The following ADCY2 variants were observed in gnomAD, a reference collection of about 807,000 sequenced individuals.
ADCY2 encodes adenylate cyclase type 2.
Under a neutral mutation model 125.2 loss-of-function variants are expected in ADCY2, and 31 were observed. The observed-to-expected ratio is 0.25, with a 90% confidence interval of 0.19 to 0.33. The LOEUF (loss-of-function observed/expected upper bound fraction) is 0.33. Among genes scored for constraint, ADCY2 ranks in the 10% least tolerant of loss-of-function variants. The probability of loss-of-function intolerance (pLI) is 1.00; values close to 1 mark genes in which losing one functional copy is unlikely to be tolerated. For missense variants in ADCY2, 904 were observed against 1,418.2 expected (o/e 0.64, Z 5.82); for synonymous variants, 512 against 548.4 (o/e 0.93, Z 0.93).
chr5:7,653,082 G>A (rs560503071), intron 4 of ADCY2, among the ~76,000 whole-genome samples: 2 of 152,240 alleles, frequency 1.3e-5, no homozygotes, highest in Non-Finnish European at 2.9e-5. Context: ...TGTTAGCCCT[G>A]TGGGTGTAGA....
At chr5:7,683,512 A>C (rs1470940264) in intron 4 of ADCY2, among the ~76,000 whole-genome samples, 1 of 152,214 alleles carries the variant, frequency 6.6e-6, no homozygotes, top group East Asian at 1.9e-4. Context: ...ACCCAGGCTC[A>C]AAGTCACTAT....
At chr5:7,652,127 C>A (rs1336152472) in intron 4 of ADCY2, among the ~76,000 whole-genome samples, 1 of 152,144 alleles carries the variant, frequency 6.6e-6, no homozygotes, top group African/African-American at 2.4e-5. Flanking sequence ...ATCACTTTAA[C>A]CCTACTGAGA....
intron 19 of ADCY2, 33 bp from the exon 20 acceptor site, chr5:7,789,609 T>C: frequency 6.3e-7 from 1 of 1,596,782 alleles, no homozygotes; most frequent in South Asian, 1.1e-5. Flanking sequence ...AAGATGCCTA[T>C]TGTTTCTTTA....
intron 2 of ADCY2, among the ~76,000 whole-genome samples, chr5:7,491,931 G>T (rs1279704265): frequency 6.6e-6 from 1 of 152,136 alleles, no homozygotes; most frequent in Non-Finnish European, 1.5e-5. Context: ...ATTTTAAAAA[G>T]AACTAACTGA....
chr5:7,455,020 T>C (rs1741617557), intron 2 of ADCY2, among the ~76,000 whole-genome samples: 1 of 152,202 alleles, frequency 6.6e-6, no homozygotes, highest in Non-Finnish European at 1.5e-5. Context: ...AAAGAGTGTT[T>C]ATACGGCTAT....
At chr5:7,525,046 A>G (rs7718206) in intron 3 of ADCY2, among the ~76,000 whole-genome samples, 4,131 of 152,188 alleles carry the variant, frequency 0.027, 181 homozygotes, top group African/African-American at 0.094. Flanking sequence ...TCTGTCACCC[A>G]GGCTGGAGTG....
At chr5:7,505,404 G>A (rs559740053) in intron 2 of ADCY2, among the ~76,000 whole-genome samples, 7 of 152,324 alleles carry the variant, frequency 4.6e-5, no homozygotes, top group Admixed American at 2.6e-4. Context: ...AGCTGCTGGT[G>A]CAGTAGGCAG....
In ADCY2 at chr5:7,827,878, T is replaced by C. The variant is rs1265408926; in HGVS notation, c.*1007T>C. 2 of 152,446 alleles carry C rather than the reference T, an allele frequency of 1.3e-5. No individual in the cohort carries two copies. Among genetic ancestry groups the C allele is most frequent in the African/African-American group, 4.8e-5 (2 of 41,470 alleles). The allele number at this position is 152,446 out of a possible 1,614,324, so 9.4% of individuals were successfully genotyped here. A position where few individuals can be genotyped will look rare whatever the true frequency, so the allele number is the denominator to read the frequency against. ...TCCACTACGCTCCTGTCTCCAAGAA[T>C]GTTTTGCTAGAGCTAACAGACATAG... is the stretch of plus-strand genomic sequence containing the variant. On this transcript the variant is annotated 3_prime_UTR_variant, in exon 25 of 25. Coordinates refer to ENST00000338316, the MANE Select transcript of ADCY2 (RefSeq NM_020546.3).
At chr5:7,543,199 T>C (rs1735047369) in intron 3 of ADCY2, among the ~76,000 whole-genome samples, 1 of 152,178 alleles carries the variant, frequency 6.6e-6, no homozygotes, top group African/African-American at 2.4e-5. Context: ...AATCTTCTTA[T>C]AAGGTATCAA....
intron 2 of ADCY2, among the ~76,000 whole-genome samples, chr5:7,519,020 A>G (rs1744349618): frequency 6.6e-6 from 1 of 152,162 alleles, no homozygotes. Context: ...TCATTCAGCA[A>G]GCCTATTCCA....
intron 15 of ADCY2, among the ~76,000 whole-genome samples, chr5:7,756,447 T>A (rs1742993653): frequency 1.3e-5 from 2 of 152,240 alleles, no homozygotes; most frequent in African/African-American, 4.8e-5. Flanking sequence ...GTCCATTTTA[T>A]GAATGGATAA....
chr5:7,494,247 A>T (rs1050386846), intron 2 of ADCY2, among the ~76,000 whole-genome samples: 2 of 152,192 alleles, frequency 1.3e-5, no homozygotes, highest in East Asian at 3.9e-4. Flanking sequence ...TCTGCAACCC[A>T]GTCTCACCAG....
At chr5:7,450,907 A>G (rs1313887704) in intron 2 of ADCY2, among the ~76,000 whole-genome samples, 1 of 152,204 alleles carries the variant, frequency 6.6e-6, no homozygotes. Context: ...AATATTCATG[A>G]GCTGCATGAA....
chr5:7,717,703 G>A (rs1038222160), intron 12 of ADCY2, among the ~76,000 whole-genome samples: 1 of 152,296 alleles, frequency 6.6e-6, no homozygotes, highest in Admixed American at 6.5e-5. Context: ...GGCACAAAAT[G>A]TCATTTAGCC....
intron 15 of ADCY2, among the ~76,000 whole-genome samples, chr5:7,751,309 G>A (rs906647858): frequency 6.6e-6 from 1 of 152,032 alleles, no homozygotes; most frequent in African/African-American, 2.4e-5. Context: ...TGCAGATCTC[G>A]TGGTGCTAAT....
At chr5:7,534,588 T>G (rs1457757645) in intron 3 of ADCY2, among the ~76,000 whole-genome samples, 3 of 152,220 alleles carry the variant, frequency 2.0e-5, no homozygotes, top group Non-Finnish European at 2.9e-5. Flanking sequence ...AGCCATTGGC[T>G]GGTTTATCTG....
At chr5:7,683,570 G>A (rs1202719770) in intron 4 of ADCY2, among the ~76,000 whole-genome samples, 1 of 152,108 alleles carries the variant, frequency 6.6e-6, no homozygotes, top group Non-Finnish European at 1.5e-5. Flanking sequence ...AGCATGATGA[G>A]GCCCACAGTG....
At chr5:7,571,106 A>C (rs1009773402) in intron 3 of ADCY2, among the ~76,000 whole-genome samples, 1 of 152,162 alleles carries the variant, frequency 6.6e-6, no homozygotes, top group African/African-American at 2.4e-5. Context: ...GGTTCTCTAG[A>C]GAAGCAGAGC....
At chr5:7,796,118 A>G (rs1183324140) in intron 20 of ADCY2, 2 of 152,200 alleles carry the variant, frequency 1.3e-5, no homozygotes, top group African/African-American at 2.4e-5. Flanking sequence ...GCCTGGGATC[A>G]GCTTATACCT....
Sources: allele counts gnomAD v4.1 joint callset (sites outside exome capture counted in the v4.1 genomes callset), GRCh38; gene constraint gnomAD v4.1.1; transcripts MANE v1.5; gene names NCBI Gene and HGNC (gene_info 2026-07-23, HGNC 2026-07-21).